Variants in RBFOX1 observed in about 807,000 individuals in gnomAD.
RBFOX1 encodes RNA binding protein fox-1 homolog 1.
In RBFOX1, 8 loss-of-function variants were observed where a neutral mutation model predicts 57.7. The ratio of observed to expected loss-of-function variants is 0.14; its 90% CI spans 0.08 to 0.25. RBFOX1 has a LOEUF of 0.25. RBFOX1 is among the 10% of genes least tolerant of loss of function. The pLI, the probability that RBFOX1 is intolerant of heterozygous loss-of-function variation, is 1.00. For synonymous variants in RBFOX1, 326 were observed against 222.4 expected, an observed-to-expected ratio of 1.47 and a Z score of -4.15; for missense variants, 611 against 548.5, an observed-to-expected ratio of 1.11 and a Z score of -1.14.
intron 3 of RBFOX1, among the ~76,000 whole-genome samples, chr16:5,853,987 C>G (rs1291095591): frequency 6.6e-6 from 1 of 152,174 alleles, no homozygotes; most frequent in African/African-American, 2.4e-5. Flanking sequence ...CCCTTATTGA[C>G]TATATTTGAT....
At chr16:7,574,069 G>C (rs2093067279) in intron 5 of RBFOX1, among the ~76,000 whole-genome samples, 1 of 152,118 alleles carries the variant, frequency 6.6e-6, no homozygotes, top group Non-Finnish European at 1.5e-5. Context: ...GCTTCTCAGG[G>C]ATGCTATAAT....
At chr16:7,526,755 T>G (rs2152322357) in intron 5 of RBFOX1, among the ~76,000 whole-genome samples, 1 of 152,318 alleles carries the variant, frequency 6.6e-6, no homozygotes, top group East Asian at 1.9e-4. Context: ...CAATCTCAAC[T>G]AATCTTGGCC....
intron 1 of RBFOX1, among the ~76,000 whole-genome samples, chr16:6,083,097 G>A (rs986729237): frequency 6.6e-6 from 1 of 152,064 alleles, no homozygotes; most frequent in Non-Finnish European, 1.5e-5. Context: ...CTCCTCCCAG[G>A]TTCAAGCGAT....
chr16:5,664,216 G>T (rs1350411039), intron 3 of RBFOX1, among the ~76,000 whole-genome samples: 1 of 152,138 alleles, frequency 6.6e-6, no homozygotes, highest in South Asian at 2.1e-4. Context: ...GGGGGTTCTC[G>T]AGCCAAGCTG....
chr16:7,361,369 T>C (rs778330160), intron 4 of RBFOX1, among the ~76,000 whole-genome samples: 10 of 152,194 alleles, frequency 6.6e-5, no homozygotes, highest in Non-Finnish European at 1.3e-4. Flanking sequence ...AGATGTTTGC[T>C]CTTGGGGAAG....
chr16:6,879,631 T>A (rs151069651), intron 3 of RBFOX1, among the ~76,000 whole-genome samples: 3 of 152,234 alleles, frequency 2.0e-5, no homozygotes, highest in Non-Finnish European at 4.4e-5. Context: ...ATGCGATGTT[T>A]TAGGAGCTTC....
At chr16:5,863,005 G>A (rs1310241481) in intron 3 of RBFOX1, among the ~76,000 whole-genome samples, 1 of 152,098 alleles carries the variant, frequency 6.6e-6, no homozygotes, top group Non-Finnish European at 1.5e-5. Context: ...GGGAATCCAG[G>A]TCTCCATCAT....
At chr16:6,922,007 C>G (rs867271598) in intron 3 of RBFOX1, among the ~76,000 whole-genome samples, 2 of 152,118 alleles carry the variant, frequency 1.3e-5, no homozygotes, top group Admixed American at 6.6e-5. Flanking sequence ...ATGCCTAACA[C>G]CTTGTGGCTA....
At chr16:6,062,275 A>T (rs1029574713) in intron 1 of RBFOX1, among the ~76,000 whole-genome samples, 2 of 143,982 alleles carry the variant, frequency 1.4e-5, no homozygotes, top group African/African-American at 5.7e-5. Flanking sequence ...GCCATTGGTG[A>T]TCAACTCCAT....
At position 6,864,156 on chromosome 16, in the gene RBFOX1, G is replaced by A. The variant is rs547590586; in HGVS notation, c.-15-187901G>A. ...CAGGAAGAAGGAGGGGTCATTTCAG[G>A]GAAATTATTTTAATAATTCTTGTCC... On this transcript the variant is annotated intron_variant, in intron 3 of 15. Coordinates refer to ENST00000550418, the MANE Select transcript of RBFOX1 (RefSeq NM_018723.4). Among the ~76,000 whole-genome samples the A allele has an allele frequency of 3.8e-4, 58 of 151,884 alleles. 2 individuals carry two copies. The South Asian group carries it at 0.01, about 27-fold the overall frequency.
chr16:7,437,984 G>C (rs2098736307), intron 4 of RBFOX1, among the ~76,000 whole-genome samples: 1 of 151,842 alleles, frequency 6.6e-6, no homozygotes, highest in African/African-American at 2.4e-5. Context: ...CTTTTAGGAT[G>C]CACTTTAGAA....
chr16:6,532,222 C>T (rs1343454646), intron 2 of RBFOX1, among the ~76,000 whole-genome samples: 3 of 152,104 alleles, frequency 2.0e-5, no homozygotes. Context: ...AGGCAAAGTA[C>T]CCAATGTATG....
chr16:6,274,562 A>AT (rs529189480), intron 1 of RBFOX1, among the ~76,000 whole-genome samples: 73 of 152,314 alleles, frequency 4.8e-4, no homozygotes, highest in Non-Finnish European at 7.8e-4. Context: ...GGGTGTGGTT[A>AT]TGAAAGGGCA....
chr16:5,915,081 C>T (rs1338022363), intron 4 of RBFOX1, among the ~76,000 whole-genome samples: 3 of 152,146 alleles, frequency 2.0e-5, no homozygotes, highest in African/African-American at 7.2e-5. Context: ...AGGGGTAGAA[C>T]ACCAGGAGGT....
intron 2 of RBFOX1, among the ~76,000 whole-genome samples, chr16:6,617,340 C>A (rs1469614912): frequency 6.6e-6 from 1 of 151,936 alleles, no homozygotes; most frequent in African/African-American, 2.4e-5. Flanking sequence ...AGGCAGTTGC[C>A]CTTAACCTAT....
At chr16:6,228,742 G>C (rs929897168) in intron 1 of RBFOX1, among the ~76,000 whole-genome samples, 10 of 152,064 alleles carry the variant, frequency 6.6e-5, no homozygotes, top group Non-Finnish European at 1.0e-4. Flanking sequence ...GTACAATATG[G>C]AGAAATCATA....
At chr16:6,982,128 G>A (rs1481033354) in intron 3 of RBFOX1, among the ~76,000 whole-genome samples, 5 of 152,122 alleles carry the variant, frequency 3.3e-5, no homozygotes, top group Non-Finnish European at 5.9e-5. Context: ...AACCAAATTA[G>A]TGATACGAAG....
At chr16:5,950,727 G>C (rs900798999) in intron 4 of RBFOX1, among the ~76,000 whole-genome samples, 1 of 152,200 alleles carries the variant, frequency 6.6e-6, no homozygotes, top group African/African-American at 2.4e-5. Context: ...GCACCTACTG[G>C]GTACTCATTT....
At chr16:5,517,048 G>A (rs71390668) in intron 2 of RBFOX1, among the ~76,000 whole-genome samples, 26 of 151,392 alleles carry the variant, frequency 1.7e-4, no homozygotes, top group Admixed American at 1.1e-3. Context: ...GTGCATACAG[G>A]TTCATAAAAA....
Sources: allele counts gnomAD v4.1 joint callset (sites outside exome capture counted in the v4.1 genomes callset), GRCh38; gene constraint gnomAD v4.1.1; transcripts MANE v1.5; gene names NCBI Gene and HGNC (gene_info 2026-07-23, HGNC 2026-07-21).